The following EPG5 variants were observed in gnomAD, a reference collection of about 807,000 sequenced individuals.
EPG5 encodes the protein ectopic P-granules 5 autophagy tethering factor.
In EPG5, 159 loss-of-function variants were observed where a neutral mutation model predicts 302.7. That is an observed-to-expected ratio of 0.53 (90% CI 0.46 to 0.60). The LOEUF is 0.60. Among genes scored for constraint, EPG5 ranks in the 20% least tolerant of loss-of-function variants. The pLI is 0.00. For missense variants in EPG5, 2,896 were observed against 3,092.4 expected, an observed-to-expected ratio of 0.94 and a Z score of 1.51; for synonymous variants, 1,158 against 1,136.8, an observed-to-expected ratio of 1.02 and a Z score of -0.37.
the EPG5 span, among the ~76,000 whole-genome samples, chr18:45,828,777 G>A: frequency 1.3e-5 from 2 of 152,170 alleles, no homozygotes; most frequent in African/African-American, 4.8e-5. Flanking sequence ...GGTGTGGAGA[G>A]CTATTTACTT....
chr18:45,937,488 C>T (rs2050564112), intron 10 of EPG5, among the ~76,000 whole-genome samples: 1 of 152,072 alleles, frequency 6.6e-6, no homozygotes, highest in African/African-American at 2.4e-5. Context: ...CTCACCGCAA[C>T]CTCCACTTCC....
chr18:45,834,372 T>C, the EPG5 span, among the ~76,000 whole-genome samples: 1 of 152,200 alleles, frequency 6.6e-6, no homozygotes, highest in East Asian at 1.9e-4. Context: ...TCTGAGTGTC[T>C]GGACAAGACA....
At chr18:45,962,293 GT>G (rs1178928754) in intron 1 of EPG5, among the ~76,000 whole-genome samples, 1 of 152,278 alleles carries the variant, frequency 6.6e-6, no homozygotes, top group East Asian at 1.9e-4. Flanking sequence ...AGATTCAAAG[GT>G]TTTTCCTGTG....
rs2049249844 is a variant in EPG5 at position 45,887,763 on chromosome 18, C to G, written c.5097G>C (p.Glu1699Asp). 1 of 1,574,500 alleles carries G rather than the reference C, an allele frequency of 6.4e-7. No individual in the cohort carries two copies. The highest frequency in any genetic ancestry group is 8.7e-7 in the Non-Finnish European group (1 of 1,150,774). Residue 1699 changes from glutamate (E) to aspartate (D), a missense_variant, in exon 29 of 44, where the codon GAG becomes GAC. By Grantham distance (45) the Glu-to-Asp change is conservative. Coordinates refer to ENST00000282041, the MANE Select transcript of EPG5 (RefSeq NM_020964.3). ...PTRQFFTSCIEILGQVFISGI... is the reference protein window; with the variant it reads ...PTRQFFTSCIDILGQVFISGI... Reference sequence around the variant, plus strand: ...CAGATAGCCTTACCTGTCCCAAGATCTCAATACATGAAGTAAAGAACTGCC... The same window carrying G: ...CAGATAGCCTTACCTGTCCCAAGATGTCAATACATGAAGTAAAGAACTGCC...
chr18:45,826,287 TG>T, the EPG5 span, among the ~76,000 whole-genome samples: 1 of 151,884 alleles, frequency 6.6e-6, no homozygotes, highest in African/African-American at 2.4e-5. Flanking sequence ...AGTGGGTGAG[TG>T]GGAACACTGT....
At chr18:45,833,732 C>T in the EPG5 span, among the ~76,000 whole-genome samples, 1 of 152,148 alleles carries the variant, frequency 6.6e-6, no homozygotes, top group African/African-American at 2.4e-5. Context: ...GTTGCTGTTG[C>T]TGTTAGTTCA....
intron 1 of EPG5, among the ~76,000 whole-genome samples, chr18:45,960,758 T>C (rs2051131258): frequency 6.6e-6 from 1 of 152,124 alleles, no homozygotes; most frequent in South Asian, 2.1e-4. Context: ...ACTGTGAGAG[T>C]GTGTGTATGT....
At chr18:45,912,184 CA>C in intron 22 of EPG5, 105 bp downstream of exon 22, 1 of 1,081,230 alleles carries the variant, frequency 9.2e-7, no homozygotes, top group South Asian at 2.1e-5. Flanking sequence ...CAGAGATCAC[CA>C]AAGAATGATT....
intron 35 of EPG5, among the ~76,000 whole-genome samples, chr18:45,875,528 T>C (rs184844791): frequency 7.9e-5 from 12 of 152,106 alleles, no homozygotes; most frequent in African/African-American, 2.7e-4. Context: ...TCAATTGATA[T>C]ATTTTAAGCA....
downstream of EPG5, among the ~76,000 whole-genome samples, chr18:45,845,241 G>A (rs962326875): frequency 6.6e-6 from 1 of 152,196 alleles, no homozygotes; most frequent in Non-Finnish European, 1.5e-5. Flanking sequence ...GGCTTCTTGG[G>A]ACTGGAAGAA....
the EPG5 span, among the ~76,000 whole-genome samples, chr18:45,823,180 G>T: frequency 6.6e-6 from 1 of 152,032 alleles, no homozygotes; most frequent in African/African-American, 2.4e-5. Flanking sequence ...TGGGAGTGGT[G>T]GTACTCCAGG....
At chr18:45,937,672 G>GC (rs1268562961) in intron 10 of EPG5, among the ~76,000 whole-genome samples, 11 of 152,138 alleles carry the variant, frequency 7.2e-5, no homozygotes, top group African/African-American at 2.7e-4. Context: ...CTACCAAAGT[G>GC]CTGGGATTAC....
chr18:45,943,268 T>C lies in EPG5; in HGVS notation c.1836A>G (p.Lys612=). ...CTAGTGAGTTGGCAAAGGCAAAAAT[T>C]TTCATCATCTCTTGAGGTCTTGTTG... ...PETTRPQEMM[K]IFAFANSLVE... Residue 612 remains lysine, a synonymous_variant, in exon 9 of 44, where the codon AAA becomes AAG. Coordinates refer to ENST00000282041, the MANE Select transcript of EPG5 (RefSeq NM_020964.3). 6.2e-7 allele frequency: 1 copy of C among 1,613,988 alleles called. No homozygotes were observed. The highest frequency in any genetic ancestry group is 8.5e-7 in the Non-Finnish European group (1 of 1,179,990).
intron 20 of EPG5, among the ~76,000 whole-genome samples, chr18:45,914,827 C>T (rs1404780326): frequency 1.3e-5 from 2 of 152,176 alleles, no homozygotes; most frequent in Admixed American, 6.5e-5. Flanking sequence ...TCCACTGAAC[C>T]TCAGTTACAG....
At chr18:45,895,266 T>C (rs537826479) in intron 27 of EPG5, among the ~76,000 whole-genome samples, 2 of 152,290 alleles carry the variant, frequency 1.3e-5, no homozygotes, top group South Asian at 2.1e-4. Flanking sequence ...TTTGGGAATA[T>C]GGAGTTTGAG....
intron 7 of EPG5, 80 bp from the exon 8 acceptor site, chr18:45,944,199 C>A: frequency 1.2e-6 from 1 of 856,052 alleles, no homozygotes; most frequent in South Asian, 1.4e-5. Context: ...GCTAAATTAT[C>A]ACAGGTCTCA....
chr18:45,899,947 C>T (rs956329859), intron 26 of EPG5, among the ~76,000 whole-genome samples: 3 of 152,128 alleles, frequency 2.0e-5, no homozygotes, highest in Non-Finnish European at 2.9e-5. Context: ...CAACTCAAAA[C>T]GAAATGTCAA....
At chr18:45,875,139 A>G (rs898001061) in intron 35 of EPG5, among the ~76,000 whole-genome samples, 1 of 152,244 alleles carries the variant, frequency 6.6e-6, no homozygotes, top group Non-Finnish European at 1.5e-5. Flanking sequence ...CAAGAAGTTA[A>G]GTAGTTCCAA....
intron 10 of EPG5, among the ~76,000 whole-genome samples, chr18:45,937,271 CACACACAT>C (rs1472814975): frequency 3.0e-4 from 45 of 148,564 alleles, no homozygotes; most frequent in African/African-American, 1.1e-3. Context: ...CACACACACA[CACACACAT>C]ATGTATACAC....
Sources: gnomAD v4.1 joint callset for allele counts (sites outside exome capture counted in the v4.1 genomes callset) on GRCh38, gnomAD v4.1.1 for gene constraint, MANE v1.5 for transcripts, NCBI Gene and HGNC (gene_info 2026-07-23, HGNC 2026-07-21) for gene names.